CD58: variants seen among roughly 807,000 people sequenced by gnomAD.
The protein encoded by CD58 is lymphocyte function-associated antigen 3.
CD58 carries 14 observed loss-of-function variants against 27.6 expected under a neutral mutation model. That is an observed-to-expected ratio of 0.51 (90% confidence interval 0.34 to 0.79). The LOEUF (loss-of-function observed/expected upper bound fraction) is 0.79, where lower values mean the gene tolerates loss of function less well. CD58 is among the 30% of genes least tolerant of loss of function. The pLI, the probability that CD58 is intolerant of heterozygous loss-of-function variation, is 0.02. For missense variants in CD58, 268 were observed against 301.7 expected, an observed-to-expected ratio of 0.89 and a Z score of 0.83; for synonymous variants, 117 against 103.8, an observed-to-expected ratio of 1.13 and a Z score of -0.77.
rs895364599 is a variant in CD58 at position 116,519,885 on chromosome 1, G to T, written c.707-618C>A. The stretch of plus-strand genomic sequence containing the variant: ...ACATTAAGACACTGCTCCCACACAT[G>T]CATGCATCACTTTCCTGCCCACAGT... On this transcript the variant is annotated intron_variant, in intron 4 of 5. Transcript: ENST00000369489. The surrounding 1 kb of genome is among the most constrained non-coding windows in gnomAD (Gnocchi z 4.7). 3.3e-5 allele frequency among the ~76,000 whole-genome samples: 5 copies of T among 152,158 alleles called. No homozygotes were observed. The highest frequency in any genetic ancestry group is 6.5e-5 in the Admixed American group (1 of 15,276).
intron 4 of CD58, among the ~76,000 whole-genome samples, chr1:116,520,499 T>C (rs1033450877): frequency 6.6e-6 from 1 of 151,688 alleles, no homozygotes; most frequent in Non-Finnish European, 1.5e-5. Flanking sequence ...TTTCTGTATA[T>C]TGAATGACTT....
At chr1:116,568,777 A>C (rs1363354430) in intron 1 of CD58, among the ~76,000 whole-genome samples, 1 of 152,194 alleles carries the variant, frequency 6.6e-6, no homozygotes, top group African/African-American at 2.4e-5. Context: ...AAGGTACTGA[A>C]GTGAAGAGAA....
chr1:116,533,587 C>T, intron 3 of CD58: 5 of 709,474 alleles, frequency 7.0e-6, no homozygotes, highest in South Asian at 1.4e-5. Flanking sequence ...ATCTACATTT[C>T]TAAAGATGGT....
rs1190051319 is a variant in CD58 at position 116,516,789 on chromosome 1, C to T, written c.744-1967G>A. ...TCATATCACACATTCTGCCTATCACCTGTGCTTCCTGCCTAAGTCCTTCTA... is the reference window on the plus strand; with the variant it reads ...TCATATCACACATTCTGCCTATCACTTGTGCTTCCTGCCTAAGTCCTTCTA... On this transcript the variant is annotated intron_variant, in intron 5 of 5. Transcript: ENST00000369489. The surrounding 1 kb of genome is among the most constrained non-coding windows in gnomAD (Gnocchi z 6.1). Among the ~76,000 whole-genome samples the T allele has an allele frequency of 2.0e-5, 3 of 152,192 alleles. No homozygotes were observed. Among genetic ancestry groups the T allele is most frequent in the Admixed American group, 1.3e-4 (2 of 15,280 alleles).
At chr1:116,560,733 T>C (rs1194832325) in intron 1 of CD58, among the ~76,000 whole-genome samples, 1 of 152,182 alleles carries the variant, frequency 6.6e-6, no homozygotes, top group Admixed American at 6.5e-5. Flanking sequence ...AAAAAGCATT[T>C]TCCTTGGAGG....
At position 116,546,653 on chromosome 1, in the gene CD58, T is replaced by C. The variant is rs1384251287; in HGVS notation, c.71-2049A>G. The stretch of plus-strand genomic sequence containing the variant: ...CTGCCATACCCTGGCGGCATGAAGA[T>C]GTCTTTTGTCTTTCCCAGGGAGAGC... On this transcript the variant is annotated intron_variant, in intron 1 of 5. Transcript: ENST00000369489. The surrounding 1 kb of genome is among the most constrained non-coding windows in gnomAD (Gnocchi z 4.1). 6.6e-6 allele frequency among the ~76,000 whole-genome samples: 1 copy of C among 152,208 alleles called. No individual in the cohort carries two copies. Among genetic ancestry groups the C allele is most frequent in the Non-Finnish European group, 1.5e-5 (1 of 68,038 alleles).
chr1:116,526,779 C>T, intron 3 of CD58, among the ~76,000 whole-genome samples: 1 of 152,198 alleles, frequency 6.6e-6, no homozygotes, highest in East Asian at 1.9e-4. Flanking sequence ...TTGGAAATAA[C>T]TGACATCTTC....
At chr1:116,525,329 T>C (rs1206908433) in intron 3 of CD58, among the ~76,000 whole-genome samples, 1 of 152,232 alleles carries the variant, frequency 6.6e-6, no homozygotes, top group Non-Finnish European at 1.5e-5. Flanking sequence ...ACTTATAATA[T>C]GCATTTAAGT....
chr1:116,533,324 C>A (rs981472098), intron 3 of CD58: 4 of 1,393,210 alleles, frequency 2.9e-6, no homozygotes, highest in Non-Finnish European at 3.0e-6. Flanking sequence ...TCTTTCCTTT[C>A]TTCCAGTCAA....
rs945870800 is a variant in CD58, at chr1:116,532,040, A to G, written c.628+3925T>C. ...CAGGACTTGACGCTCATATGCTCAA[A>G]TGAAACGCAGGACTTCCCAGCCCAG... On this transcript the variant is annotated intron_variant, in intron 3 of 5. Coordinates refer to ENST00000369489, the MANE Select transcript of CD58 (RefSeq NM_001779.3). The surrounding 1 kb of genome is among the most constrained non-coding windows in gnomAD (Gnocchi z 5.1). Among the ~76,000 whole-genome samples the G allele has an allele frequency of 9.9e-5, 15 of 152,260 alleles. No individual in the cohort carries two copies. Among genetic ancestry groups the G allele is most frequent in the African/African-American group, 3.6e-4 (15 of 41,470 alleles).
chr1:116,514,732 A>AAT lies in CD58; in HGVS notation c.*79_*80dup. On this transcript the variant is annotated 3_prime_UTR_variant, in exon 6 of 6. Transcript: ENST00000369489. ...TTTCCAACAGTTGTTCAAAAATTGT[A>AAT]ATACTCAAATGAGAAATCAGATGGC... is the stretch of plus-strand genomic sequence containing the variant. 1.1e-6 allele frequency: 1 copy of AAT among 876,198 alleles called. No homozygotes were observed. Among genetic ancestry groups the AAT allele is most frequent in the Non-Finnish European group, 1.8e-6 (1 of 552,770 alleles). 54.3% of individuals were successfully genotyped at this position (876,198 alleles called of 1,614,324 possible). A position where few individuals can be genotyped will look rare whatever the true frequency, so the allele number is the denominator to read the frequency against.
intron 1 of CD58, among the ~76,000 whole-genome samples, chr1:116,568,773 C>A (rs974725026): frequency 6.6e-5 from 10 of 152,192 alleles, no homozygotes; most frequent in African/African-American, 2.4e-4. Flanking sequence ...AGTGAAGGTA[C>A]TGAAGTGAAG....
At chr1:116,540,616 C>T (rs1393201915) in intron 2 of CD58, among the ~76,000 whole-genome samples, 2 of 152,170 alleles carry the variant, frequency 1.3e-5, no homozygotes, top group Non-Finnish European at 2.9e-5. Context: ...CCCACTGCTA[C>T]AAGCTGATGT....
intron 1 of CD58, among the ~76,000 whole-genome samples, chr1:116,564,063 T>C (rs1428723482): frequency 6.6e-6 from 1 of 152,206 alleles, no homozygotes; most frequent in Non-Finnish European, 1.5e-5. Context: ...AACTGAATGC[T>C]TTTAACAGCA....
rs1657995463 is a variant in CD58, at chr1:116,541,763, G to A, written c.364+2548C>T. On this transcript the variant is annotated intron_variant, in intron 2 of 5. Transcript: ENST00000369489. The surrounding 1 kb of genome is among the most constrained non-coding windows in gnomAD (Gnocchi z 5.3). ...CTGGGCAGTCAGGTATACACATAAG[G>A]AGCTCGGCGGGGTACTCTGGGCTAG... 6.6e-6 allele frequency among the ~76,000 whole-genome samples: 1 copy of A among 152,180 alleles called. No individual in the cohort carries two copies. The highest frequency in any genetic ancestry group is 1.5e-5 in the Non-Finnish European group (1 of 68,038).
rs146204237 is a variant in CD58, at chr1:116,570,032, G to C, written c.70+871C>G. ...GGCAGGCAGCGGACGCTGAGCAAAC[G>C]GACGGACGGGCTGGAGGGCTGGCAG... is the stretch of plus-strand genomic sequence containing the variant. On this transcript the variant is annotated intron_variant, in intron 1 of 5. Transcript: ENST00000369489. This position sits in a 1 kb window ranked among gnomAD's most constrained non-coding sequence, Gnocchi z 6.4. 2.0e-4 allele frequency among the ~76,000 whole-genome samples: 31 copies of C among 152,346 alleles called. No individual in the cohort carries two copies. The highest frequency in any genetic ancestry group is 2.9e-4 in the Non-Finnish European group (20 of 68,028).
rs184001131 is a variant in CD58 at position 116,524,409 on chromosome 1, T to G, written c.629-2426A>C. Among the ~76,000 whole-genome samples, 5 of 152,148 alleles carry G rather than the reference T, an allele frequency of 3.3e-5. No homozygotes were observed. The highest frequency in any genetic ancestry group is 7.4e-5 in the Non-Finnish European group (5 of 68,022). ...GGACTGGCTCTTGTTTCTAGAACAT[T>G]TCAATGGACAGAACCAGGAAATACA... is the stretch of plus-strand genomic sequence containing the variant. On this transcript the variant is annotated intron_variant, in intron 3 of 5. Transcript: ENST00000369489. The surrounding 1 kb of genome is among the most constrained non-coding windows in gnomAD (Gnocchi z 4.6).
At position 116,531,508 on chromosome 1, in the gene CD58, T is replaced by C. The variant is rs1375761048; in HGVS notation, c.628+4457A>G. ...AGCAACTATCTGCTTTTACAACAAATTGCATTTCCATATCGTATGCCTTGG... is the reference window on the plus strand; with the variant it reads ...AGCAACTATCTGCTTTTACAACAAACTGCATTTCCATATCGTATGCCTTGG... On this transcript the variant is annotated intron_variant, in intron 3 of 5. Transcript: ENST00000369489. This position sits in a 1 kb window ranked among gnomAD's most constrained non-coding sequence, Gnocchi z 4.5. Among the ~76,000 whole-genome samples the C allele has an allele frequency of 4.6e-5, 7 of 152,200 alleles. No individual in the cohort carries two copies. The East Asian group carries it at 1.2e-3, about 25-fold the overall frequency.
rs141422488 is a variant in CD58 at position 116,556,893 on chromosome 1, T to G, written c.71-12289A>C. Reference sequence around the variant, plus strand: ...AGGAGCTGTGCCTCAGCTCCTGCCATGTGGAAACAGAGGCCCACCATTGCC... The same window carrying G: ...AGGAGCTGTGCCTCAGCTCCTGCCAGGTGGAAACAGAGGCCCACCATTGCC... On this transcript the variant is annotated intron_variant, in intron 1 of 5. Coordinates refer to ENST00000369489, the MANE Select transcript of CD58 (RefSeq NM_001779.3). Among the ~76,000 whole-genome samples, 152 of 152,274 alleles carry G rather than the reference T, an allele frequency of 1.0e-3. No homozygotes were observed. The Middle Eastern group carries it at 0.014, about 14-fold the overall frequency.
Sources: allele counts gnomAD v4.1 joint callset (sites outside exome capture counted in the v4.1 genomes callset), GRCh38; gene constraint gnomAD v4.1.1; non-coding constraint Gnocchi (gnomAD v3.1); transcripts MANE v1.5; gene names NCBI Gene and HGNC (gene_info 2026-07-23, HGNC 2026-07-21).